The following TAFA4 variants were observed in gnomAD, a reference collection of about 807,000 sequenced individuals.
TAFA4 encodes TAFA chemokine like family member 4.
A neutral mutation model predicts 21.1 loss-of-function variants in TAFA4; 20 were observed. The observed-to-expected ratio is 0.95, with a 90% CI of 0.67 to 1.38. The LOEUF (loss-of-function observed/expected upper bound fraction) is 1.38, where lower values mean the gene tolerates loss of function less well. Ranked by LOEUF, TAFA4 falls within the 40% of genes most tolerant of loss-of-function variation. The probability of loss-of-function intolerance (pLI) is 0.00; values close to 1 mark genes in which losing one functional copy is unlikely to be tolerated. For synonymous variants in TAFA4, 71 were observed against 67.4 expected (o/e 1.05, Z -0.26); for missense variants, 211 against 180.9 (o/e 1.17, Z -0.95).
chr3:68,876,325 A>T lies in TAFA4; in HGVS notation c.130+4405T>A, dbSNP rs943013370. Among the ~76,000 whole-genome samples the T allele has an allele frequency of 2.5e-4, 38 of 152,316 alleles. 1 individual carries two copies. Among genetic ancestry groups the T allele is most frequent in the African/African-American group, 9.1e-4 (38 of 41,560 alleles). ...TGCCTACCCCCTAGTGTCAGAACTTAGGCAATGCAGGCAAATCATTTTTCA... is the reference window on the plus strand; with the variant it reads ...TGCCTACCCCCTAGTGTCAGAACTTTGGCAATGCAGGCAAATCATTTTTCA... On this transcript the variant is annotated intron_variant, in intron 3 of 5. Transcript: ENST00000295569.
At chr3:68,836,537 G>A (rs1269628610) in intron 3 of TAFA4, among the ~76,000 whole-genome samples, 4 of 152,298 alleles carry the variant, frequency 2.6e-5, no homozygotes, top group Non-Finnish European at 5.9e-5. Flanking sequence ...GTAGAAAAAT[G>A]CTATTAGTAG....
At chr3:68,846,285 CT>C (rs1157966306) in intron 3 of TAFA4, among the ~76,000 whole-genome samples, 1 of 151,686 alleles carries the variant, frequency 6.6e-6, no homozygotes, top group East Asian at 2.0e-4. Flanking sequence ...CTCTGATATC[CT>C]TTCTTCTGCT....
intron 1 of TAFA4, among the ~76,000 whole-genome samples, chr3:68,931,775 T>TGGGGGC (rs2090160668): frequency 1.1e-4 from 1 of 9,038 alleles, no homozygotes; most frequent in South Asian, 5.0e-3. Flanking sequence ...AGGGTGGGGG[T>TGGGGGC]GGGGGCGGGG....
chr3:68,792,731 G>A (rs1703385551), intron 3 of TAFA4, among the ~76,000 whole-genome samples: 1 of 152,094 alleles, frequency 6.6e-6, no homozygotes, highest in South Asian at 2.1e-4. Flanking sequence ...TATTGTTCAT[G>A]CAGCAATAAT....
In TAFA4 at chr3:68,802,520, T is replaced by C. The variant is rs147421490; in HGVS notation, c.131-49502A>G. On this transcript the variant is annotated intron_variant, in intron 3 of 5. Coordinates refer to ENST00000295569, the MANE Select transcript of TAFA4 (RefSeq NM_182522.5). Reference sequence around the variant, plus strand: ...CACCAAAATTTAGTGCACTAGAAGATAAATACTATAAGAAGTGCTTTGGTA... The same window carrying C: ...CACCAAAATTTAGTGCACTAGAAGACAAATACTATAAGAAGTGCTTTGGTA... Among the ~76,000 whole-genome samples, 451 of 152,166 alleles carry C rather than the reference T, an allele frequency of 3.0e-3. 2 individuals are homozygous for C. The highest frequency in any genetic ancestry group is 0.01 in the African/African-American group (430 of 41,532).
chr3:68,831,694 G>A (rs1034121946), intron 3 of TAFA4, among the ~76,000 whole-genome samples: 1 of 152,070 alleles, frequency 6.6e-6, no homozygotes, highest in Admixed American at 6.6e-5. Context: ...TATCTTTGTG[G>A]TGTTCTCTGT....
intron 3 of TAFA4, among the ~76,000 whole-genome samples, chr3:68,833,732 C>T (rs926919027): frequency 1.3e-5 from 2 of 152,174 alleles, no homozygotes; most frequent in Non-Finnish European, 2.9e-5. Context: ...CTATCCACAA[C>T]AAACACTTTC....
chr3:68,815,995 A>G (rs1306823934), intron 3 of TAFA4, among the ~76,000 whole-genome samples: 7 of 152,212 alleles, frequency 4.6e-5, no homozygotes, highest in Admixed American at 4.6e-4. Flanking sequence ...ATAAAAAAGG[A>G]TGCGTTCATG....
chr3:68,817,197 A>G (rs7647961), intron 3 of TAFA4, among the ~76,000 whole-genome samples: 31,222 of 152,164 alleles, frequency 0.21, 4,117 homozygotes, highest in East Asian at 0.63. Context: ...CATTTCAACA[A>G]TGTTCACAGA....
intron 3 of TAFA4, among the ~76,000 whole-genome samples, chr3:68,754,398 T>C (rs1227069790): frequency 6.6e-6 from 1 of 152,248 alleles, no homozygotes; most frequent in East Asian, 1.9e-4. Context: ...TTGACATTTT[T>C]CAAGAGTTAC....
chr3:68,787,370 A>G (rs1339767083), intron 3 of TAFA4, among the ~76,000 whole-genome samples: 2 of 152,162 alleles, frequency 1.3e-5, no homozygotes, highest in African/African-American at 4.8e-5. Context: ...TCACTGTCAC[A>G]TATTTATACC....
chr3:68,883,749 G>A (rs1235873323), intron 2 of TAFA4, among the ~76,000 whole-genome samples: 4 of 152,134 alleles, frequency 2.6e-5, no homozygotes, highest in Middle Eastern at 3.4e-3. Flanking sequence ...CAACGTATGG[G>A]ACTTTTTTTT....
chr3:68,740,680 G>T (rs913009862), intron 4 of TAFA4, among the ~76,000 whole-genome samples: 1 of 151,818 alleles, frequency 6.6e-6, no homozygotes, highest in Non-Finnish European at 1.5e-5. Flanking sequence ...GTTTATTTTT[G>T]CTTTTGTTGC....
chr3:68,757,489 T>C (rs557628679), intron 3 of TAFA4, among the ~76,000 whole-genome samples: 1 of 152,320 alleles, frequency 6.6e-6, no homozygotes, highest in South Asian at 2.1e-4. Context: ...CTTGAGAGTC[T>C]GTAATGAAAG....
At chr3:68,905,534 G>T (rs906580789) in intron 1 of TAFA4, among the ~76,000 whole-genome samples, 7 of 152,120 alleles carry the variant, frequency 4.6e-5, no homozygotes. Context: ...TTTAAAATTA[G>T]ATCAAAGAAA....
At chr3:68,877,135 GA>G (rs1299141385) in intron 3 of TAFA4, among the ~76,000 whole-genome samples, 2 of 152,004 alleles carry the variant, frequency 1.3e-5, no homozygotes, top group Non-Finnish European at 2.9e-5. Flanking sequence ...GAGGTGGGTG[GA>G]TCACTTGAGG....
At chr3:68,813,411 T>A (rs899290027) in intron 3 of TAFA4, among the ~76,000 whole-genome samples, 2 of 151,932 alleles carry the variant, frequency 1.3e-5, no homozygotes, top group African/African-American at 4.8e-5. Context: ...ACAAAATTGA[T>A]AGACCACTAG....
intron 3 of TAFA4, among the ~76,000 whole-genome samples, chr3:68,804,773 C>T (rs551671014): frequency 6.6e-6 from 1 of 152,196 alleles, no homozygotes; most frequent in Non-Finnish European, 1.5e-5. Context: ...AAACTGGATC[C>T]CTTCCTTACA....
intron 1 of TAFA4, among the ~76,000 whole-genome samples, chr3:68,895,284 C>T (rs1376501112): frequency 6.6e-6 from 1 of 152,186 alleles, no homozygotes; most frequent in African/African-American, 2.4e-5. Context: ...AGGCGTCAGC[C>T]ACCGCGCCCA....
Sources: gnomAD v4.1 joint callset for allele counts (sites outside exome capture counted in the v4.1 genomes callset) on GRCh38, gnomAD v4.1.1 for gene constraint, MANE v1.5 for transcripts, NCBI Gene and HGNC (gene_info 2026-07-23, HGNC 2026-07-21) for gene names.